Variants in LYST observed in about 807,000 individuals in gnomAD.
LYST encodes the protein lysosomal trafficking regulator, also known as lysosomal-trafficking regulator.
In LYST, 192 loss-of-function variants were observed where a neutral mutation model predicts 413.6. The observed-to-expected ratio is 0.46, with a 90% CI of 0.41 to 0.52. The LOEUF (loss-of-function observed/expected upper bound fraction) is 0.52, where lower values mean the gene tolerates loss of function less well. Among genes scored for constraint, LYST ranks in the 20% least tolerant of loss-of-function variants. The pLI is 0.00. For missense variants in LYST, 3,815 were observed against 4,499.9 expected (o/e 0.85, Z 4.35); for synonymous variants, 1,525 against 1,567.3 (o/e 0.97, Z 0.64).
chr1:235,797,526 A>G (rs1305330054), intron 10 of LYST, among the ~76,000 whole-genome samples: 1 of 152,188 alleles, frequency 6.6e-6, no homozygotes, highest in African/African-American at 2.4e-5. Flanking sequence ...GGGGAGGGAC[A>G]GTCTCTTCAA....
intron 19 of LYST, among the ~76,000 whole-genome samples, chr1:235,771,599 T>TTATC (rs1491226638): frequency 0.037 from 5,617 of 149,816 alleles, 344 homozygotes; most frequent in African/African-American, 0.13. Context: ...CTATCTTATC[T>TTATC]TTTTTTTTTA....
intron 17 of LYST, 89 bp from the exon 18 acceptor site, chr1:235,775,175 A>G (rs1021773932): frequency 1.1e-6 from 1 of 923,560 alleles, no homozygotes; most frequent in Non-Finnish European, 1.7e-6. Flanking sequence ...TGTAACATCA[A>G]TCCATTAGTT....
intron 7 of LYST, 22 bp downstream of exon 7, chr1:235,804,482 A>G: frequency 6.2e-7 from 1 of 1,602,444 alleles, no homozygotes; most frequent in East Asian, 2.2e-5. Context: ...CAAAGAACAC[A>G]ACTATATGTT....
At chr1:235,789,822 G>A (rs905037996) in intron 12 of LYST, among the ~76,000 whole-genome samples, 25 of 152,100 alleles carry the variant, frequency 1.6e-4, no homozygotes, top group Non-Finnish European at 3.1e-4. Flanking sequence ...ATGAACTTCT[G>A]CAAATAAAAG....
At chr1:235,865,511 T>C (rs1262425087) in intron 1 of LYST, among the ~76,000 whole-genome samples, 2 of 152,200 alleles carry the variant, frequency 1.3e-5, no homozygotes, top group East Asian at 3.8e-4. Flanking sequence ...TAAATACATA[T>C]ATATAATTAT....
chr1:235,801,909 G>C (rs1454775697), intron 8 of LYST, among the ~76,000 whole-genome samples: 1 of 152,084 alleles, frequency 6.6e-6, no homozygotes, highest in Non-Finnish European at 1.5e-5. Context: ...GTGAAGACTA[G>C]CAGTGGCTGG....
chr1:235,677,574 T>C lies in LYST; in HGVS notation c.10846A>G (p.Thr3616Ala), dbSNP rs772706857. Residue 3616 changes from threonine to alanine, a missense_variant, in exon 49 of 53, where the codon ACA becomes GCA. Thr to Ala is a moderately conservative substitution (Grantham distance 58, BLOSUM62 0). This residue lies in a region of LYST where 866 missense variants were observed against 1,156.0 expected (regional missense o/e 0.75). Transcript: ENST00000389793. The stretch of plus-strand genomic sequence containing the variant: ...ACAAATAAGCTGGTTATCTCTTCTG[T>C]GTGACCATAGAGATGTATTTGAGTC... ...METQIHLYGH[T>A]EEITSLFVCK... The C allele has an allele frequency of 6.2e-7, 1 of 1,612,868 alleles. No individual in the cohort carries two copies. The highest frequency in any genetic ancestry group is 2.2e-5 in the East Asian group (1 of 44,776).
chr1:235,677,269 C>T (rs1292379505), intron 49 of LYST, 81 bp from the exon 50 acceptor site: 1 of 1,182,484 alleles, frequency 8.5e-7, no homozygotes, highest in Non-Finnish European at 1.3e-6. Flanking sequence ...TCTTCTCAGT[C>T]TATGTACCTA....
intron 7 of LYST, among the ~76,000 whole-genome samples, chr1:235,804,276 A>T (rs1672565253): frequency 6.6e-6 from 1 of 152,198 alleles, no homozygotes; most frequent in African/African-American, 2.4e-5. Flanking sequence ...AGATTAGATA[A>T]GGAAAAGCTT....
In LYST at chr1:235,809,765, T is replaced by C. The variant is rs536128495; in HGVS notation, c.1053A>G (p.Lys351=). The C allele has an allele frequency of 6.2e-7, 1 of 1,614,124 alleles. No homozygotes were observed. Among genetic ancestry groups the C allele is most frequent in the African/African-American group, 1.3e-5 (1 of 75,058 alleles). ...TAEMMPENLR[K]NLTELLRAAL... ...CTGCTCTAAGCAATTCAGTTAAATTTTTCCTAAGATTTTCTGGCATCATCT... is the reference window on the plus strand; with the variant it reads ...CTGCTCTAAGCAATTCAGTTAAATTCTTCCTAAGATTTTCTGGCATCATCT... Residue 351 remains lysine (K), a synonymous_variant, in exon 5 of 53, where the codon AAA becomes AAG. Transcript: ENST00000389793. The surrounding 1 kb of genome is among the most constrained non-coding windows in gnomAD (Gnocchi z 4.0).
chr1:235,734,604 T>G lies in LYST; in HGVS notation c.8414A>C (p.Glu2805Ala). Residue 2805 changes from glutamate to alanine, a missense_variant, in exon 32 of 53, where the codon GAA (glutamate) becomes GCA (alanine). Physicochemically the swap from Glu to Ala is moderately radical, Grantham distance 107. Transcript: ENST00000389793. ...TGTGCCTAGCTCTTCTTCAGTCAATTCACCTTGGTGATTATGTATCAACTC... is the reference window on the plus strand; with the variant it reads ...TGTGCCTAGCTCTTCTTCAGTCAATGCACCTTGGTGATTATGTATCAACTC... ...LSELIHNHQG[E>A]LTEEELGTAE... 6.2e-7 allele frequency: 1 copy of G among 1,613,090 alleles called. No individual in the cohort carries two copies. The highest frequency in any genetic ancestry group is 8.5e-7 in the Non-Finnish European group (1 of 1,179,218).
chr1:235,735,407 A>G (rs972745541), intron 31 of LYST: 1 of 152,120 alleles, frequency 6.6e-6, no homozygotes, highest in Admixed American at 6.5e-5. Context: ...GTTTTAGCCA[A>G]TCTTTTATTA....
intron 50 of LYST, among the ~76,000 whole-genome samples, chr1:235,671,175 TG>T (rs1201931023): frequency 1.3e-5 from 2 of 152,222 alleles, no homozygotes; most frequent in African/African-American, 2.4e-5. Context: ...TGACCTTAAG[TG>T]ATCCACCTGC....
At chr1:235,831,694 T>A (rs947524185) in intron 2 of LYST, among the ~76,000 whole-genome samples, 6 of 152,178 alleles carry the variant, frequency 3.9e-5, no homozygotes, top group Non-Finnish European at 8.8e-5. Flanking sequence ...AACATCAATA[T>A]TTTTAATATT....
rs148129352 is a variant in LYST at position 235,803,004 on chromosome 1, C to G, written c.3616G>C (p.Asp1206His). ...QPGDFSEEAE[D>H]SQCCSFKLLV... The stretch of plus-strand genomic sequence containing the variant: ...AGTTTAAAACTACAACACTGAGAAT[C>G]CTCAGCTTCTTCTGAAAAATCACCA... The change falls in exon 8 of 53, where the codon GAT becomes CAT. Residue 1206 changes from aspartate (D) to histidine (H), a missense_variant. Physicochemically the swap from Asp to His is moderately conservative, Grantham distance 81 (BLOSUM62 -1). Coordinates refer to ENST00000389793, the MANE Select transcript of LYST (RefSeq NM_000081.4). The G allele has an allele frequency of 2.5e-5, 40 of 1,613,146 alleles. No individual in the cohort carries two copies. The highest frequency in any genetic ancestry group is 1.6e-4 in the Middle Eastern group (1 of 6,076).
intron 22 of LYST, among the ~76,000 whole-genome samples, chr1:235,760,732 A>G (rs1484883223): frequency 2.6e-5 from 4 of 152,206 alleles, no homozygotes; most frequent in African/African-American, 9.7e-5. Context: ...CACAGAGTAA[A>G]CAGGCATTAA....
chr1:235,751,789 A>T (rs773835710), intron 27 of LYST, among the ~76,000 whole-genome samples: 4 of 152,196 alleles, frequency 2.6e-5, no homozygotes, highest in Non-Finnish European at 4.4e-5. Flanking sequence ...TCACTTATGT[A>T]TTGCCAACTA....
chr1:235,697,674 C>T (rs1661214888), intron 45 of LYST, among the ~76,000 whole-genome samples: 2 of 152,170 alleles, frequency 1.3e-5, no homozygotes, highest in Admixed American at 1.3e-4. Context: ...CCACATGTAG[C>T]ACAGGAAACC....
chr1:235,882,383 C>A (rs987469056), intron 1 of LYST, among the ~76,000 whole-genome samples: 5 of 152,194 alleles, frequency 3.3e-5, no homozygotes, highest in Non-Finnish European at 7.3e-5. Flanking sequence ...TCCTGTGTGC[C>A]ATGCGGAAGC....
Sources: gnomAD v4.1 joint callset for allele counts (sites outside exome capture counted in the v4.1 genomes callset) on GRCh38, gnomAD v4.1.1 for gene constraint, gnomAD v4.1.1 regional missense constraint, Gnocchi (gnomAD v3.1) non-coding constraint, MANE v1.5 for transcripts, NCBI Gene and HGNC (gene_info 2026-07-23, HGNC 2026-07-21) for gene names.